Variants in PER2 observed in about 807,000 individuals in gnomAD.
The protein encoded by PER2 is period circadian regulator 2.
In PER2, 66 loss-of-function variants were observed where a neutral mutation model predicts 121.0. That is an observed-to-expected ratio of 0.55 (90% CI 0.45 to 0.67). The LOEUF (loss-of-function observed/expected upper bound fraction) is 0.67, where lower values mean the gene tolerates loss of function less well. Among genes scored for constraint, PER2 ranks in the 30% least tolerant of loss-of-function variants. The pLI, the probability that PER2 is intolerant of heterozygous loss-of-function variation, is 0.00. For missense variants in PER2, 1,521 were observed against 1,635.0 expected, an observed-to-expected ratio of 0.93 and a Z score of 1.20; for synonymous variants, 684 against 659.9, an observed-to-expected ratio of 1.04 and a Z score of -0.56.
In PER2 at chr2:238,253,690, A is replaced by G; in HGVS notation, c.2333T>C (p.Leu778Pro). 1 of 1,605,302 alleles carries G rather than the reference A, an allele frequency of 6.2e-7. No individual in the cohort carries two copies. Among genetic ancestry groups the G allele is most frequent in the Non-Finnish European group, 8.5e-7 (1 of 1,175,022 alleles). The change falls in exon 19 of 23, where the codon CTA becomes CCA. Residue 778 changes from leucine (L) to proline (P), a missense_variant. By Grantham distance (98) the Leu-to-Pro change is moderately conservative. Coordinates refer to ENST00000254657, the MANE Select transcript of PER2 (RefSeq NM_022817.3). The surrounding 1 kb of genome is among the most constrained non-coding windows in gnomAD (Gnocchi z 5.6). ...TGAATCTATTCCGGAAGTATTTCTT[A>G]GTCCAGGGGCAGCTAATGCAGAAAA... ...GQPSERTAPG[L>P]RNTSGIDSPW...
chr2:238,271,261 G>T (rs371338078), intron 6 of PER2, 51 bp downstream of exon 6: 6 of 1,527,312 alleles, frequency 3.9e-6, no homozygotes, highest in Non-Finnish European at 5.4e-6. Flanking sequence ...CCCAGCTCCT[G>T]GCCCCTTTCC....
intron 1 of PER2, among the ~76,000 whole-genome samples, chr2:238,288,119 C>T (rs750685617): frequency 1.1e-4 from 16 of 152,174 alleles, no homozygotes; most frequent in Admixed American, 2.6e-4. Flanking sequence ...GCTCCTAGAT[C>T]AGCGCCCCTC....
Position 238,245,316 on chromosome 2 carries a change from C to T in PER2, c.*1059G>A, listed in dbSNP as rs1350016545. ...GGCCTGAAGCTGCTCCGAGAGAGGT[C>T]GGGCTCATGAAAAGAATGAGGGCTG... On this transcript the variant is annotated 3_prime_UTR_variant, in exon 23 of 23. Transcript: ENST00000254657. 9 of 356,912 alleles carry T rather than the reference C, an allele frequency of 2.5e-5. No homozygotes were observed. The highest frequency in any genetic ancestry group is 4.0e-5 in the East Asian group (1 of 24,870). 22.1% of individuals were successfully genotyped at this position (356,912 alleles called of 1,614,324 possible). A position where few individuals can be genotyped will look rare whatever the true frequency, so the allele number is the denominator to read the frequency against.
upstream of PER2, among the ~76,000 whole-genome samples, chr2:238,294,483 C>T (rs377405308): frequency 7.9e-5 from 12 of 152,288 alleles, no homozygotes; most frequent in East Asian, 1.7e-3. Flanking sequence ...GTATGGCTGT[C>T]GGGCCCCCCG....
At chr2:238,261,674 G>T in intron 12 of PER2, 55 bp downstream of exon 12, 1 of 1,140,504 alleles carries the variant, frequency 8.8e-7, no homozygotes, top group Non-Finnish European at 1.3e-6. Context: ...TATGTCCTCT[G>T]CAGGGGGCTC....
chr2:238,274,321 C>G (rs188650923), intron 4 of PER2, among the ~76,000 whole-genome samples: 7 of 152,170 alleles, frequency 4.6e-5, no homozygotes, highest in African/African-American at 1.7e-4. Flanking sequence ...CAACAGGCCC[C>G]GGACACATGA....
intron 1 of PER2, among the ~76,000 whole-genome samples, chr2:238,278,447 A>C (rs1174098943): frequency 6.6e-6 from 1 of 152,174 alleles, no homozygotes; most frequent in Non-Finnish European, 1.5e-5. Context: ...AAGAGCTCCT[A>C]TCTGCCATGG....
intron 3 of PER2, among the ~76,000 whole-genome samples, chr2:238,276,212 G>T (rs979358952): frequency 6.6e-6 from 1 of 152,232 alleles, no homozygotes; most frequent in African/African-American, 2.4e-5. Context: ...CCCTTGGTGG[G>T]GCTCTGTAGG....
chr2:238,281,679 G>A (rs1405226875), intron 1 of PER2, among the ~76,000 whole-genome samples: 2 of 152,190 alleles, frequency 1.3e-5, no homozygotes, highest in African/African-American at 4.8e-5. Context: ...TGCAAAGGAC[G>A]AGGTTATCTT....
At chr2:238,274,008 A>G (rs2106320857) in intron 4 of PER2, among the ~76,000 whole-genome samples, 1 of 152,296 alleles carries the variant, frequency 6.6e-6, no homozygotes, top group East Asian at 1.9e-4. Context: ...ACTTTTCCAC[A>G]CAGGACCACA....
chr2:238,284,105 A>ATT (rs1386744497), intron 1 of PER2, among the ~76,000 whole-genome samples: 2 of 152,178 alleles, frequency 1.3e-5, no homozygotes, highest in African/African-American at 4.8e-5. Context: ...CCCATGCAAG[A>ATT]TATCTGGAAT....
At chr2:238,248,821 A>C in intron 22 of PER2, 1 of 450,456 alleles carries the variant, frequency 2.2e-6, no homozygotes, top group Non-Finnish European at 4.2e-6. Flanking sequence ...ACGCCCAGCT[A>C]ATTTTTTGTA....
chr2:238,258,275 C>A lies in PER2; in HGVS notation c.1900+1G>T. 6.2e-7 allele frequency: 1 copy of A among 1,614,186 alleles called. No individual in the cohort carries two copies. ...TACATGGCTCTACACAGATTAGATA[C>A]CTCCAGCGTGTGGCCCTGGGCTGAC... On this transcript the variant is annotated splice_donor_variant, in intron 16 of 22. Coordinates refer to ENST00000254657, the MANE Select transcript of PER2 (RefSeq NM_022817.3). LOFTEE classifies it high-confidence loss of function.
At chr2:238,257,739 G>C (rs1237818699) in intron 16 of PER2, among the ~76,000 whole-genome samples, 4 of 152,244 alleles carry the variant, frequency 2.6e-5, no homozygotes, top group Admixed American at 6.5e-5. Context: ...CTCCCAAAGT[G>C]CTGGGATTAC....
At chr2:238,255,103 T>C (rs744837) in intron 18 of PER2, 13,935 of 165,114 alleles carry the variant, frequency 0.084, 1,286 homozygotes, top group African/African-American at 0.23. Context: ...TTTTACTTCA[T>C]CCCTTGACCT....
chr2:238,287,914 C>T (rs1696836494), intron 1 of PER2, among the ~76,000 whole-genome samples: 2 of 152,192 alleles, frequency 1.3e-5, no homozygotes, highest in South Asian at 2.1e-4. Context: ...GCGACTGCTG[C>T]ACCAAAGAGT....
rs760998142 is a variant in PER2 at position 238,255,928 on chromosome 2, CA to C, written c.2066-18del. On this transcript the variant is annotated intron_variant, in intron 17 of 22. Transcript: ENST00000254657. ...CCACCATCTCTGTAACACAAGAACC[CA>C]GGGCTCTGGTCCACACGTGCCCTGT... The C allele has an allele frequency of 6.2e-7, 1 of 1,614,170 alleles. No individual in the cohort carries two copies. Among genetic ancestry groups the C allele is most frequent in the Non-Finnish European group, 8.5e-7 (1 of 1,180,016 alleles).
Position 238,268,340 on chromosome 2 carries a change from G to A in PER2, c.825-142C>T. 1 of 824,950 alleles carries A rather than the reference G, an allele frequency of 1.2e-6. No individual in the cohort carries two copies. Among genetic ancestry groups the A allele is most frequent in the Non-Finnish European group, 2.0e-6 (1 of 498,746 alleles). 51.1% of individuals were successfully genotyped at this position (824,950 alleles called of 1,614,324 possible). ...GCCTGAGGAGCTGGGCCTGCCCCCT[G>A]CCCTCTTCGGTCCCTCCCTCAGTCC... On this transcript the variant is annotated intron_variant, in intron 7 of 22. Transcript: ENST00000254657. This position sits in a 1 kb window ranked among gnomAD's most constrained non-coding sequence, Gnocchi z 4.0.
chr2:238,290,924 A>G (rs1696940192), upstream of PER2, among the ~76,000 whole-genome samples: 1 of 152,198 alleles, frequency 6.6e-6, no homozygotes, highest in South Asian at 2.1e-4. Flanking sequence ...AGCTCCTACA[A>G]TCAGGCCAAG....
Sources: gnomAD v4.1 joint callset for allele counts (sites outside exome capture counted in the v4.1 genomes callset) on GRCh38, gnomAD v4.1.1 for gene constraint, Gnocchi (gnomAD v3.1) non-coding constraint, MANE v1.5 for transcripts, NCBI Gene and HGNC (gene_info 2026-07-23, HGNC 2026-07-21) for gene names.